Variants in MACROD2 observed in about 807,000 individuals in gnomAD.
The protein encoded by MACROD2 is ADP-ribose glycohydrolase MACROD2.
MACROD2 carries 36 observed loss-of-function variants against 70.4 expected under a neutral mutation model. The observed-to-expected ratio is 0.51, with a 90% CI of 0.39 to 0.68. The LOEUF is 0.68. Among genes scored for constraint, MACROD2 ranks in the 30% least tolerant of loss-of-function variants. The probability of loss-of-function intolerance (pLI) is 0.00; values close to 1 mark genes in which losing one functional copy is unlikely to be tolerated. For missense variants in MACROD2, 496 were observed against 538.4 expected, an observed-to-expected ratio of 0.92 and a Z score of 0.78; for synonymous variants, 172 against 178.8, an observed-to-expected ratio of 0.96 and a Z score of 0.30.
intron 5 of MACROD2, among the ~76,000 whole-genome samples, chr20:14,706,395 T>C (rs2071271257): frequency 6.6e-6 from 1 of 152,130 alleles, no homozygotes; most frequent in Admixed American, 6.5e-5. Flanking sequence ...CAGTGAGTGT[T>C]TTCCCTGAAC....
At chr20:15,111,087 A>G (rs1453079043) in intron 5 of MACROD2, among the ~76,000 whole-genome samples, 2 of 152,170 alleles carry the variant, frequency 1.3e-5, no homozygotes, top group Non-Finnish European at 2.9e-5. Flanking sequence ...TTGGCAATGT[A>G]TCTGACTCAC....
intron 4 of MACROD2, among the ~76,000 whole-genome samples, chr20:14,591,798 C>T (rs1027093620): frequency 6.6e-6 from 1 of 152,120 alleles, no homozygotes; most frequent in Admixed American, 6.6e-5. Context: ...GTCAAACAAA[C>T]CTTTATTGAA....
intron 12 of MACROD2, among the ~76,000 whole-genome samples, chr20:15,953,564 ATAAGT>A (rs1355756231): frequency 5.3e-5 from 8 of 152,198 alleles, no homozygotes; most frequent in Non-Finnish European, 8.8e-5. Flanking sequence ...ACGCATACAC[ATAAGT>A]TAAGGCTTTT....
At chr20:15,720,657 C>T (rs1293819221) in intron 8 of MACROD2, among the ~76,000 whole-genome samples, 1 of 152,138 alleles carries the variant, frequency 6.6e-6, no homozygotes, top group Admixed American at 6.6e-5. Flanking sequence ...CTTTGAATCA[C>T]CCTGGACTAT....
chr20:14,762,693 G>A (rs147907159), intron 5 of MACROD2, among the ~76,000 whole-genome samples: 1,730 of 152,174 alleles, frequency 0.011, 53 homozygotes, highest in African/African-American at 0.039. Context: ...ACTTTGGGAG[G>A]CTGAGGTGGG....
chr20:14,160,885 T>C (rs2055176861), intron 3 of MACROD2, among the ~76,000 whole-genome samples: 1 of 152,126 alleles, frequency 6.6e-6, no homozygotes, highest in South Asian at 2.1e-4. Flanking sequence ...GCAGGTTTCT[T>C]ATGTGGATAT....
At chr20:15,984,124 ACTTTTT>A (rs1227272489) in intron 13 of MACROD2, among the ~76,000 whole-genome samples, 7 of 86,524 alleles carry the variant, frequency 8.1e-5, no homozygotes, top group East Asian at 6.2e-4. Flanking sequence ...ACTTTTTTTA[ACTTTTT>A]ATAATTTTTG....
At chr20:14,505,999 C>T (rs1487836884) in intron 4 of MACROD2, among the ~76,000 whole-genome samples, 1 of 152,150 alleles carries the variant, frequency 6.6e-6, no homozygotes, top group Non-Finnish European at 1.5e-5. Context: ...ACCTTGCTCC[C>T]ACCCTCTCCA....
chr20:15,242,116 A>G (rs995155080), intron 6 of MACROD2, among the ~76,000 whole-genome samples: 1 of 152,198 alleles, frequency 6.6e-6, no homozygotes, highest in Admixed American at 6.5e-5. Context: ...CTCTTGGTAT[A>G]ATGGATCAAG....
At chr20:14,166,384 T>G (rs2055270835) in intron 3 of MACROD2, among the ~76,000 whole-genome samples, 1 of 152,044 alleles carries the variant, frequency 6.6e-6, no homozygotes. Flanking sequence ...TCTTCATCTG[T>G]GCCCAAAAAG....
At chr20:15,265,806 T>C (rs1224286659) in intron 6 of MACROD2, among the ~76,000 whole-genome samples, 1 of 152,234 alleles carries the variant, frequency 6.6e-6, no homozygotes, top group Non-Finnish European at 1.5e-5. Flanking sequence ...AAAAAAAAGT[T>C]ACCAGCTATC....
intron 6 of MACROD2, among the ~76,000 whole-genome samples, chr20:15,297,420 T>C (rs939951285): frequency 5.9e-5 from 9 of 152,146 alleles, no homozygotes; most frequent in Admixed American, 4.6e-4. Context: ...AACTTTCTTT[T>C]TAATTAAGAA....
intron 17 of MACROD2, 135 bp downstream of exon 17, chr20:16,044,774 A>G: frequency 1.3e-6 from 1 of 741,284 alleles, no homozygotes; most frequent in Non-Finnish European, 2.3e-6. Context: ...AAATCTTTAA[A>G]CCAAATAACA....
intron 6 of MACROD2, among the ~76,000 whole-genome samples, chr20:15,345,663 G>A (rs1204473732): frequency 1.3e-5 from 2 of 152,152 alleles, no homozygotes; most frequent in Non-Finnish European, 2.9e-5. Context: ...ACGCGACTGA[G>A]GAATTACATT....
At chr20:15,567,688 G>A (rs2048327620) in intron 8 of MACROD2, among the ~76,000 whole-genome samples, 1 of 152,204 alleles carries the variant, frequency 6.6e-6, no homozygotes, top group African/African-American at 2.4e-5. Flanking sequence ...ATCTTAGAGA[G>A]TCTGTTTAAA....
intron 3 of MACROD2, among the ~76,000 whole-genome samples, chr20:14,409,554 C>G (rs566855825): frequency 3.3e-5 from 5 of 151,976 alleles, no homozygotes; most frequent in South Asian, 2.1e-4. Flanking sequence ...CCATGTCTAT[C>G]TGAATGCAGA....
intron 3 of MACROD2, among the ~76,000 whole-genome samples, chr20:14,448,841 C>G (rs569168550): frequency 2.3e-4 from 35 of 152,160 alleles, no homozygotes; most frequent in African/African-American, 7.7e-4. Context: ...TTTCTAATAT[C>G]ACTAATTTTT....
chr20:15,677,708 TAC>T (rs2050084484), intron 8 of MACROD2, among the ~76,000 whole-genome samples: 1 of 91,206 alleles, frequency 1.1e-5, no homozygotes, highest in Non-Finnish European at 3.4e-5. Context: ...ACCAACCAAA[TAC>T]ATCCTTAGGA....
rs118142536 is a variant in MACROD2, at chr20:14,340,855, T to A, written c.272-152624T>A. 6.5e-3 allele frequency among the ~76,000 whole-genome samples: 996 copies of A among 152,334 alleles called. 3 individuals are homozygous for A. The highest frequency in any genetic ancestry group is 0.017 in the Middle Eastern group (5 of 294). ...TGTCATCTCAAAGGACTTTGTGGTG[T>A]TCTTTGTTTGTTTTTATGAGAAAAT... is the stretch of plus-strand genomic sequence containing the variant. On this transcript the variant is annotated intron_variant, in intron 3 of 17. Coordinates refer to ENST00000684519, the MANE Select transcript of MACROD2 (RefSeq NM_001351661.2).
Sources: gnomAD v4.1 joint callset for allele counts (sites outside exome capture counted in the v4.1 genomes callset) on GRCh38, gnomAD v4.1.1 for gene constraint, MANE v1.5 for transcripts, NCBI Gene and HGNC (gene_info 2026-07-23, HGNC 2026-07-21) for gene names.